The following EFL1 variants were observed in gnomAD, a reference collection of about 807,000 sequenced individuals.
EFL1 encodes elongation factor like GTPase 1, also known as elongation factor-like GTPase 1.
In EFL1, 76 loss-of-function variants were observed where a neutral mutation model predicts 126.7. The observed-to-expected ratio is 0.60, with a 90% CI of 0.50 to 0.73. The LOEUF (loss-of-function observed/expected upper bound fraction) is 0.73. Ranked by LOEUF, EFL1 falls within the 30% of genes least tolerant of loss-of-function variation. The pLI, the probability that EFL1 is intolerant of heterozygous loss-of-function variation, is 0.00. For synonymous variants in EFL1, 410 were observed against 448.4 expected (o/e 0.91, Z 1.08); for missense variants, 1,128 against 1,343.2 (o/e 0.84, Z 2.50).
chr15:82,209,661 G>A (rs572314027), intron 15 of EFL1, among the ~76,000 whole-genome samples: 26 of 152,192 alleles, frequency 1.7e-4, no homozygotes, highest in Admixed American at 1.3e-4. Context: ...GCTATTGTGT[G>A]CTAAACATGG....
rs1596002681 is a variant in EFL1, at chr15:82,238,388, T to C, written c.650A>G (p.Asp217Gly). The change falls in exon 7 of 20, where the codon GAC becomes GGC. Residue 217 changes from aspartate (D) to glycine (G), a missense_variant. Transcript: ENST00000268206. ...GAAGTAAAGGTGAGAATCATCTGTG[T>C]CCTCCAAGCCAGTGCTCCAGTCATA... ...QVYDWSTGLE[D>G]TDDSHLYFSP... 1 of 1,614,224 alleles carries C rather than the reference T, an allele frequency of 6.2e-7. No individual in the cohort carries two copies. The highest frequency in any genetic ancestry group is 8.5e-7 in the Non-Finnish European group (1 of 1,180,036).
intron 16 of EFL1, among the ~76,000 whole-genome samples, chr15:82,162,339 A>G (rs1469172272): frequency 6.6e-6 from 1 of 152,246 alleles, no homozygotes; most frequent in Non-Finnish European, 1.5e-5. Context: ...TATTTTTAAA[A>G]TGTATGTGCA....
At chr15:82,206,647 T>C (rs1293647046) in intron 15 of EFL1, among the ~76,000 whole-genome samples, 1 of 152,152 alleles carries the variant, frequency 6.6e-6, no homozygotes. Flanking sequence ...GTATTAACAC[T>C]GGTCTCCATT....
chr15:82,196,142 A>C (rs1296912054), intron 15 of EFL1, among the ~76,000 whole-genome samples: 4 of 152,216 alleles, frequency 2.6e-5, no homozygotes, highest in African/African-American at 9.6e-5. Flanking sequence ...AGAAGCAGAC[A>C]GTGAAGGGTC....
At chr15:82,225,644 CAAGGTAGCTTGTT>C (rs757910076) in intron 11 of EFL1, among the ~76,000 whole-genome samples, 18 of 152,270 alleles carry the variant, frequency 1.2e-4, no homozygotes, top group Middle Eastern at 3.4e-3. Flanking sequence ...CAACAATCAA[CAAGGTAGCTTGTT>C]AATAAGATAC....
chr15:82,194,862 T>A (rs1384852973), intron 15 of EFL1, among the ~76,000 whole-genome samples: 1 of 152,178 alleles, frequency 6.6e-6, no homozygotes, highest in Non-Finnish European at 1.5e-5. Context: ...AATCTTGTAA[T>A]CAATGAGGCA....
intron 15 of EFL1, among the ~76,000 whole-genome samples, chr15:82,200,458 T>C: frequency 6.6e-6 from 1 of 151,814 alleles, no homozygotes. Context: ...TTCTGGGGGG[T>C]AATCTTGGCT....
At chr15:82,216,260 T>C (rs1159139242) in intron 14 of EFL1, among the ~76,000 whole-genome samples, 1 of 152,156 alleles carries the variant, frequency 6.6e-6, no homozygotes, top group East Asian at 1.9e-4. Context: ...ACCTAATACA[T>C]TCATGGATGG....
chr15:82,157,025 C>T (rs1426437867), intron 17 of EFL1, among the ~76,000 whole-genome samples: 1 of 152,084 alleles, frequency 6.6e-6, no homozygotes, highest in Non-Finnish European at 1.5e-5. Flanking sequence ...TAAAAATATG[C>T]ATACTTTTTG....
At chr15:82,143,782 G>C (rs993314717) in intron 18 of EFL1, among the ~76,000 whole-genome samples, 4 of 152,148 alleles carry the variant, frequency 2.6e-5, no homozygotes, top group Admixed American at 1.3e-4. Flanking sequence ...TAAAAAAGAA[G>C]GCACAATGAT....
chr15:82,141,865 T>C (rs974160630), intron 18 of EFL1, among the ~76,000 whole-genome samples: 15 of 152,108 alleles, frequency 9.9e-5, no homozygotes, highest in African/African-American at 3.1e-4. Context: ...CAGGCTTAGA[T>C]CAATAATTGT....
At chr15:82,150,427 A>G (rs1346496148) in intron 18 of EFL1, among the ~76,000 whole-genome samples, 1 of 152,198 alleles carries the variant, frequency 6.6e-6, no homozygotes, top group Non-Finnish European at 1.5e-5. Flanking sequence ...TTCACTACTG[A>G]AACAGTTCCA....
chr15:82,254,551 C>G (rs2075050924), intron 3 of EFL1, among the ~76,000 whole-genome samples: 1 of 152,096 alleles, frequency 6.6e-6, no homozygotes, highest in Non-Finnish European at 1.5e-5. Flanking sequence ...TTGATCATTT[C>G]CTTATTTTCT....
intron 15 of EFL1, among the ~76,000 whole-genome samples, chr15:82,196,940 G>A (rs545031148): frequency 2.0e-5 from 3 of 151,944 alleles, no homozygotes; most frequent in South Asian, 4.2e-4. Context: ...GCTGAGGCAG[G>A]AGAATCGTTT....
At chr15:82,243,885 T>C (rs1374843129) in intron 4 of EFL1, among the ~76,000 whole-genome samples, 1 of 152,086 alleles carries the variant, frequency 6.6e-6, no homozygotes, top group Non-Finnish European at 1.5e-5. Flanking sequence ...ATCTACATCC[T>C]AAAAAATAAG....
intron 15 of EFL1, among the ~76,000 whole-genome samples, chr15:82,208,501 C>T (rs763826144): frequency 5.3e-5 from 8 of 151,996 alleles, no homozygotes; most frequent in Non-Finnish European, 1.0e-4. Context: ...GGTAAAAAAA[C>T]GAAAGCTTCC....
rs16973447 is a variant in EFL1, at chr15:82,169,115, C to T, written c.1751-5131G>A. On this transcript the variant is annotated intron_variant, in intron 15 of 19. Transcript: ENST00000268206. ...AGCTTGGTTCTCATCAAGGGAATAACGCGGTTCTCAGTGTGGGGGTCTAGG... is the reference window on the plus strand; with the variant it reads ...AGCTTGGTTCTCATCAAGGGAATAATGCGGTTCTCAGTGTGGGGGTCTAGG... Among the ~76,000 whole-genome samples the T allele has an allele frequency of 5.3e-3, 808 of 152,164 alleles. 27 individuals carry two copies. The East Asian group carries it at 0.096, about 18-fold the overall frequency.
At chr15:82,207,546 C>T (rs1216352460) in intron 15 of EFL1, among the ~76,000 whole-genome samples, 2 of 151,842 alleles carry the variant, frequency 1.3e-5, no homozygotes, top group Non-Finnish European at 2.9e-5. Context: ...TGCTACTGAA[C>T]TGTGTACTTT....
At chr15:82,146,154 G>A (rs2073843456) in intron 18 of EFL1, among the ~76,000 whole-genome samples, 1 of 152,072 alleles carries the variant, frequency 6.6e-6, no homozygotes, top group African/African-American at 2.4e-5. Flanking sequence ...ATGATTTTGA[G>A]ATTATTTTCC....
Sources: gnomAD v4.1 joint callset for allele counts (sites outside exome capture counted in the v4.1 genomes callset) on GRCh38, gnomAD v4.1.1 for gene constraint, MANE v1.5 for transcripts, NCBI Gene and HGNC (gene_info 2026-07-23, HGNC 2026-07-21) for gene names.